The following LRP1B variants were observed in gnomAD, a reference collection of about 807,000 sequenced individuals.
LRP1B encodes the protein LDL receptor related protein 1B, also known as low-density lipoprotein receptor-related protein 1B.
Under a neutral mutation model 556.6 loss-of-function variants are expected in LRP1B, and 217 were observed. That is an observed-to-expected ratio of 0.39 (90% CI 0.35 to 0.44). LRP1B has a LOEUF of 0.44. Ranked by LOEUF, LRP1B falls within the 20% of genes least tolerant of loss-of-function variation. LRP1B has a pLI of 1.00. For missense variants in LRP1B, 5,053 were observed against 5,620.8 expected (o/e 0.90, Z 3.23); for synonymous variants, 2,047 against 1,865.8 (o/e 1.10, Z -2.50).
intron 7 of LRP1B, among the ~76,000 whole-genome samples, chr2:141,124,673 A>G (rs913595469): frequency 6.7e-6 from 1 of 149,370 alleles, no homozygotes; most frequent in East Asian, 1.9e-4. Context: ...TGAAAAAAAA[A>G]AAAAAAAGAA....
chr2:141,453,998 T>A (rs1490066555), intron 3 of LRP1B, among the ~76,000 whole-genome samples: 1 of 152,222 alleles, frequency 6.6e-6, no homozygotes, highest in Non-Finnish European at 1.5e-5. Context: ...AAAGTTAATT[T>A]CTTTGAATGT....
At position 141,945,159 on chromosome 2, in the gene LRP1B, C is replaced by G. The variant is rs148872435; in HGVS notation, c.83-134758G>C. On this transcript the variant is annotated intron_variant, in intron 1 of 90. Transcript: ENST00000389484. Reference sequence around the variant, plus strand: ...ATCTTAGCCCCATAATATTTTCCTTCCTGATTACCACATTCTTTATGCTTT... The same window carrying G: ...ATCTTAGCCCCATAATATTTTCCTTGCTGATTACCACATTCTTTATGCTTT... Among the ~76,000 whole-genome samples, 569 of 152,032 alleles carry G rather than the reference C, an allele frequency of 3.7e-3. 4 individuals carry two copies. The highest frequency in any genetic ancestry group is 0.013 in the African/African-American group (550 of 41,516).
intron 2 of LRP1B, among the ~76,000 whole-genome samples, chr2:141,545,638 A>G (rs989444921): frequency 1.3e-5 from 2 of 152,186 alleles, no homozygotes; most frequent in African/African-American, 4.8e-5. Flanking sequence ...TGAGCCCAGC[A>G]GTTTGAGACA....
At chr2:141,829,294 G>T (rs1326297916) in intron 1 of LRP1B, among the ~76,000 whole-genome samples, 1 of 151,936 alleles carries the variant, frequency 6.6e-6, no homozygotes, top group East Asian at 1.9e-4. Context: ...ACTTCCACAT[G>T]AACTTGAGCT....
At chr2:140,582,321 AG>A in intron 43 of LRP1B, among the ~76,000 whole-genome samples, 1 of 152,192 alleles carries the variant, frequency 6.6e-6, no homozygotes, top group Admixed American at 6.5e-5. Flanking sequence ...ATCACGTAAA[AG>A]CCCCCTAAGG....
intron 2 of LRP1B, among the ~76,000 whole-genome samples, chr2:141,783,179 T>C (rs1354936321): frequency 6.6e-6 from 1 of 152,040 alleles, no homozygotes; most frequent in African/African-American, 2.4e-5. Flanking sequence ...GCACAGATAA[T>C]TTACCGTATC....
intron 66 of LRP1B, among the ~76,000 whole-genome samples, chr2:140,410,289 T>C (rs1440650147): frequency 6.6e-6 from 1 of 152,118 alleles, no homozygotes; most frequent in Non-Finnish European, 1.5e-5. Context: ...TATCAATAAA[T>C]GATCACATTA....
chr2:140,308,920 G>A (rs72892291), intron 83 of LRP1B, among the ~76,000 whole-genome samples: 5,511 of 151,808 alleles, frequency 0.036, 106 homozygotes, highest in South Asian at 0.07. Context: ...AAGTACCACT[G>A]TGTCATCCAG....
chr2:140,963,272 T>C (rs1292343318), intron 18 of LRP1B, among the ~76,000 whole-genome samples: 2 of 150,858 alleles, frequency 1.3e-5, no homozygotes, highest in African/African-American at 4.9e-5. Flanking sequence ...AAAAAAAACA[T>C]ATATTCCCAC....
chr2:140,848,725 T>C (rs1444663628), intron 29 of LRP1B, among the ~76,000 whole-genome samples: 1 of 152,348 alleles, frequency 6.6e-6, no homozygotes, highest in East Asian at 1.9e-4. Context: ...TCTTTGGATA[T>C]TCAGTCATGG....
chr2:140,780,202 T>G (rs1042281467), intron 32 of LRP1B, among the ~76,000 whole-genome samples: 5 of 152,178 alleles, frequency 3.3e-5, no homozygotes, highest in African/African-American at 1.2e-4. Flanking sequence ...GTAGGAGACA[T>G]TGCTATTGAT....
At chr2:140,886,786 T>C (rs1229733110) in intron 23 of LRP1B, among the ~76,000 whole-genome samples, 4 of 152,144 alleles carry the variant, frequency 2.6e-5, no homozygotes, top group Non-Finnish European at 5.9e-5. Context: ...AAAAGAGATC[T>C]GTGAAGAAGT....
intron 3 of LRP1B, among the ~76,000 whole-genome samples, chr2:141,446,023 A>G (rs1248374361): frequency 5.3e-5 from 8 of 152,176 alleles, no homozygotes; most frequent in Non-Finnish European, 7.3e-5. Flanking sequence ...TGGGATATCA[A>G]AATCTCCCAT....
chr2:140,666,194 C>A (rs368252674), intron 41 of LRP1B, among the ~76,000 whole-genome samples: 2 of 151,410 alleles, frequency 1.3e-5, no homozygotes, highest in East Asian at 4.0e-4. Context: ...GGGGCTTCAC[C>A]ATCTTGGCCA....
At chr2:140,850,461 C>A (rs1470094796) in intron 28 of LRP1B, 132 bp from the exon 29 acceptor site, 6 of 578,580 alleles carry the variant, frequency 1.0e-5, no homozygotes, top group Non-Finnish European at 1.5e-5. Flanking sequence ...GGAAACAATG[C>A]AGTAACAATT....
intron 1 of LRP1B, among the ~76,000 whole-genome samples, chr2:141,871,989 G>C (rs892661108): frequency 1.3e-5 from 2 of 151,898 alleles, no homozygotes; most frequent in East Asian, 3.9e-4. Flanking sequence ...GAGAAGAGGC[G>C]ATGAGAACCT....
intron 7 of LRP1B, among the ~76,000 whole-genome samples, chr2:141,117,694 A>C (rs530723840): frequency 8.5e-5 from 13 of 152,150 alleles, no homozygotes; most frequent in African/African-American, 3.1e-4. Flanking sequence ...AAGAGGTAAA[A>C]TTGAAGAGCA....
intron 41 of LRP1B, among the ~76,000 whole-genome samples, chr2:140,692,632 CT>C (rs1160233058): frequency 6.6e-6 from 1 of 152,042 alleles, no homozygotes; most frequent in African/African-American, 2.4e-5. Flanking sequence ...TTTCTGTCCC[CT>C]AGCATAACTT....
At chr2:141,629,373 C>T (rs1688823548) in intron 2 of LRP1B, among the ~76,000 whole-genome samples, 1 of 152,188 alleles carries the variant, frequency 6.6e-6, no homozygotes, top group Admixed American at 6.5e-5. Flanking sequence ...AACCCCCCTA[C>T]ACTAAATTAG....
Sources: allele counts gnomAD v4.1 joint callset (sites outside exome capture counted in the v4.1 genomes callset), GRCh38; gene constraint gnomAD v4.1.1; transcripts MANE v1.5; gene names NCBI Gene and HGNC (gene_info 2026-07-23, HGNC 2026-07-21).